NUMA1: variants seen among roughly 807,000 people sequenced by gnomAD.
NUMA1 encodes SP-H antigen.
In NUMA1, 62 loss-of-function variants were observed where a neutral mutation model predicts 237.1. The observed-to-expected ratio is 0.26, with a 90% CI of 0.21 to 0.32. The LOEUF is 0.32. NUMA1 is among the 10% of genes least tolerant of loss of function. The pLI, the probability that NUMA1 is intolerant of heterozygous loss-of-function variation, is 1.00. For missense variants in NUMA1, 2,533 were observed against 2,666.5 expected (o/e 0.95, Z 1.10); for synonymous variants, 1,028 against 1,066.1 (o/e 0.96, Z 0.70).
intron 26 of NUMA1, 51 bp downstream of exon 26, chr11:72,003,836 G>A (rs376053781): frequency 9.5e-5 from 150 of 1,579,868 alleles, no homozygotes; most frequent in Non-Finnish European, 1.3e-4. Context: ...GGTCTGGGGG[G>A]TGCCCATGCT....
chr11:72,006,954 G>A (rs1404068175), intron 21 of NUMA1, among the ~76,000 whole-genome samples: 6 of 152,228 alleles, frequency 3.9e-5, no homozygotes, highest in African/African-American at 7.2e-5. Context: ...TCAGTGCTAC[G>A]CATGGAGAGA....
chr11:72,022,050 AT>A (rs1206893217), intron 7 of NUMA1, among the ~76,000 whole-genome samples: 1 of 152,186 alleles, frequency 6.6e-6, no homozygotes, highest in Non-Finnish European at 1.5e-5. Context: ...ACAGAGAATA[AT>A]TTCTACGTAT....
chr11:72,040,399 C>T (rs1941516291), intron 2 of NUMA1, among the ~76,000 whole-genome samples: 1 of 151,498 alleles, frequency 6.6e-6, no homozygotes, highest in South Asian at 2.1e-4. Context: ...GGAACCAGAC[C>T]TGCAACCAGG....
rs147578364 is a variant in NUMA1 at position 72,046,267 on chromosome 11, G to A, written c.-32-10292C>T. Among the ~76,000 whole-genome samples, 24 of 152,294 alleles carry A rather than the reference G, an allele frequency of 1.6e-4. No individual in the cohort carries two copies. The East Asian group carries it at 2.1e-3, about 13-fold the overall frequency. On this transcript the variant is annotated intron_variant, in intron 2 of 26. Coordinates refer to ENST00000393695, the MANE Select transcript of NUMA1 (RefSeq NM_006185.4). ...ACCTTTCTAGAAAAAGAGAAGGGCC[G>A]GGCACGGTGGCTCACGCCTGTAATC... is the stretch of plus-strand genomic sequence containing the variant.
At chr11:72,016,663 A>G in intron 13 of NUMA1, 133 bp from the exon 14 acceptor site, 1 of 1,148,594 alleles carries the variant, frequency 8.7e-7, no homozygotes, top group Non-Finnish European at 1.2e-6. Context: ...CTGGCCTAGA[A>G]AAAAGCAGAA....
At chr11:72,030,341 G>GA (rs1214642905) in intron 3 of NUMA1, among the ~76,000 whole-genome samples, 89 of 56,750 alleles carry the variant, frequency 1.6e-3, no homozygotes, top group African/African-American at 3.7e-3. Context: ...GTCTCCAAAG[G>GA]AAAAAAAAAA....
rs541692944 is a variant in NUMA1, at chr11:72,005,530, CTA to C, written c.5693-163_5693-162del. 1,329 of 632,214 alleles carry C rather than the reference CTA, an allele frequency of 2.1e-3. 11 individuals are homozygous for C. The highest frequency in any genetic ancestry group is 0.011 in the South Asian group (527 of 48,404). The allele number at this position is 632,214 out of a possible 1,614,324, so 39.2% of individuals were successfully genotyped here. On this transcript the variant is annotated intron_variant, in intron 22 of 26. Transcript: ENST00000393695. Reference sequence around the variant, plus strand: ...CAGGTGCAGGAGTACGGCACACAGACTATTTCTATCCTAGGGGCTTGCTCACC... The same window carrying C: ...CAGGTGCAGGAGTACGGCACACAGACTTTCTATCCTAGGGGCTTGCTCACC...
chr11:72,006,319 T>C (rs1955694862), intron 21 of NUMA1, 56 bp from the exon 22 acceptor site: 1 of 1,476,704 alleles, frequency 6.8e-7, no homozygotes, highest in Admixed American at 1.8e-5. Flanking sequence ...GTACAGAAGC[T>C]TCCCATTCCC....
chr11:72,023,221 C>T, intron 5 of NUMA1, 74 bp from the exon 6 acceptor site: 2 of 1,116,638 alleles, frequency 1.8e-6, no homozygotes, highest in South Asian at 1.2e-5. Context: ...ACACTGAAAT[C>T]TGGGGAGCAG....
At position 72,021,195 on chromosome 11, in the gene NUMA1, C is replaced by A; in HGVS notation, c.460+9G>T. ...ATGAGGGGATTCTCAGGAGTGTGTA[C>A]CTACTTACCTTTCTGTAGGAAGTTC... On this transcript the variant is annotated intron_variant, in intron 8 of 26. Coordinates refer to ENST00000393695, the MANE Select transcript of NUMA1 (RefSeq NM_006185.4). The A allele has an allele frequency of 6.2e-7, 1 of 1,605,698 alleles. No individual in the cohort carries two copies. The highest frequency in any genetic ancestry group is 8.5e-7 in the Non-Finnish European group (1 of 1,172,340).
chr11:72,068,885 G>A lies in NUMA1; in HGVS notation c.-33+957C>T, dbSNP rs1190510606. 2.0e-5 allele frequency among the ~76,000 whole-genome samples: 3 copies of A among 152,270 alleles called. No individual in the cohort carries two copies. The East Asian group carries it at 5.8e-4, about 29-fold the overall frequency. ...AAAAATTCGGTGTTACTGTTTTATAGTCACACCTCATCCTTCACCAAAAAA... is the reference window on the plus strand; with the variant it reads ...AAAAATTCGGTGTTACTGTTTTATAATCACACCTCATCCTTCACCAAAAAA... On this transcript the variant is annotated intron_variant, in intron 2 of 26. Coordinates refer to ENST00000393695, the MANE Select transcript of NUMA1 (RefSeq NM_006185.4).
intron 13 of NUMA1, chr11:72,016,975 A>ATTTTTTTTTTTTTTTTTTTTTTTTTTT (rs67134844): frequency 6.5e-6 from 1 of 152,874 alleles, no homozygotes; most frequent in African/African-American, 2.5e-5. Flanking sequence ...TTCATCCCTA[A>ATTTTTTTTTTTTTTTTTTTTTTTTTTT]TTTTTTTTTT....
Position 72,010,871 on chromosome 11 carries a change from A to T in NUMA1, c.4651-17T>A. The stretch of plus-strand genomic sequence containing the variant: ...TTCTTCCACCTGGGGAGGGAAGAGG[A>T]GGACAGAAGACTCAGGAGGACTTCC... On this transcript the variant is annotated splice_polypyrimidine_tract_variant and intron_variant, in intron 16 of 26. Coordinates refer to ENST00000393695, the MANE Select transcript of NUMA1 (RefSeq NM_006185.4). The T allele has an allele frequency of 6.2e-7, 1 of 1,611,822 alleles. No individual in the cohort carries two copies. The highest frequency in any genetic ancestry group is 8.5e-7 in the Non-Finnish European group (1 of 1,178,142).
chr11:72,017,900 A>T, intron 12 of NUMA1, 73 bp from the exon 13 acceptor site: 1 of 1,538,952 alleles, frequency 6.5e-7, no homozygotes, highest in Non-Finnish European at 8.8e-7. Flanking sequence ...TGCTCCCAGA[A>T]CCCCAGGGGC....
intron 2 of NUMA1, among the ~76,000 whole-genome samples, chr11:72,045,344 T>C (rs980077275): frequency 2.0e-5 from 3 of 152,332 alleles, no homozygotes; most frequent in Middle Eastern, 3.4e-3. Context: ...ACTGTATCAT[T>C]TGTAGTCTGT....
chr11:72,078,977 A>G (rs1943858037), intron 1 of NUMA1, among the ~76,000 whole-genome samples: 1 of 152,216 alleles, frequency 6.6e-6, no homozygotes, highest in Admixed American at 6.5e-5. Flanking sequence ...GATACTAGAG[A>G]GAGGGAATTA....
In NUMA1 at chr11:72,024,360, A is replaced by G; in HGVS notation, c.129-7T>C. On this transcript the variant is annotated splice_polypyrimidine_tract_variant and splice_region_variant and intron_variant, in intron 4 of 26. Transcript: ENST00000393695. The stretch of plus-strand genomic sequence containing the variant: ...TCCCTCTTCAGTGCCATGGCTAGAA[A>G]AAGAGCAAGTATTAGGACCAGAGTA... 6.2e-7 allele frequency: 1 copy of G among 1,613,898 alleles called. No homozygotes were observed. The highest frequency in any genetic ancestry group is 8.5e-7 in the Non-Finnish European group (1 of 1,179,778).
At chr11:72,072,553 A>G (rs1943500989) in intron 1 of NUMA1, among the ~76,000 whole-genome samples, 1 of 152,076 alleles carries the variant, frequency 6.6e-6, no homozygotes, top group South Asian at 2.1e-4. Flanking sequence ...AGAGGCCTCA[A>G]CCCAGGAGCA....
chr11:72,032,796 C>A (rs1411863974), intron 3 of NUMA1, among the ~76,000 whole-genome samples: 1 of 152,146 alleles, frequency 6.6e-6, no homozygotes, highest in Non-Finnish European at 1.5e-5. Flanking sequence ...ACAGTTTATT[C>A]ATTATTAACT....
Sources: allele counts gnomAD v4.1 joint callset (sites outside exome capture counted in the v4.1 genomes callset), GRCh38; gene constraint gnomAD v4.1.1; transcripts MANE v1.5; gene names NCBI Gene and HGNC (gene_info 2026-07-23, HGNC 2026-07-21).